The following DOK5 variants were observed in gnomAD, a reference collection of about 807,000 sequenced individuals.
DOK5 encodes the protein downstream of tyrosine kinase 5.
Under a neutral mutation model 43.3 loss-of-function variants are expected in DOK5, and 27 were observed. The observed-to-expected ratio is 0.62, with a 90% confidence interval of 0.46 to 0.86. The LOEUF is 0.86. Ranked by LOEUF, DOK5 falls within the 40% of genes least tolerant of loss-of-function variation. The pLI, the probability that DOK5 is intolerant of heterozygous loss-of-function variation, is 0.00. For missense variants in DOK5, 373 were observed against 392.9 expected (o/e 0.95, Z 0.43); for synonymous variants, 146 against 140.1 (o/e 1.04, Z -0.30).
chr20:54,618,443 A>C (rs1986882082), intron 6 of DOK5, among the ~76,000 whole-genome samples: 1 of 151,882 alleles, frequency 6.6e-6, no homozygotes, highest in Non-Finnish European at 1.5e-5. Flanking sequence ...TCCCGGGTTC[A>C]AGCGATTCTT....
chr20:54,606,427 T>G (rs1016566615), intron 5 of DOK5, among the ~76,000 whole-genome samples: 3 of 152,204 alleles, frequency 2.0e-5, no homozygotes, highest in Admixed American at 2.0e-4. Flanking sequence ...CAACAGAAGT[T>G]AAAGCAGGTG....
At chr20:54,568,194 C>T (rs1424384704) in intron 2 of DOK5, among the ~76,000 whole-genome samples, 1 of 152,190 alleles carries the variant, frequency 6.6e-6, no homozygotes, top group Non-Finnish European at 1.5e-5. Context: ...ACACAATACA[C>T]ATAATGACAT....
chr20:54,536,503 TAAG>T, intron 1 of DOK5, among the ~76,000 whole-genome samples: 1 of 152,232 alleles, frequency 6.6e-6, no homozygotes, highest in East Asian at 1.9e-4. Context: ...AAATCAAACC[TAAG>T]AAGACTCTGA....
intron 5 of DOK5, among the ~76,000 whole-genome samples, chr20:54,598,496 G>C (rs1235722064): frequency 6.6e-6 from 1 of 152,160 alleles, no homozygotes; most frequent in Admixed American, 6.5e-5. Flanking sequence ...AAGGGTGGCA[G>C]GTGTCCAGTC....
At chr20:54,615,963 A>G (rs1600739120) in intron 6 of DOK5, among the ~76,000 whole-genome samples, 1 of 152,034 alleles carries the variant, frequency 6.6e-6, no homozygotes, top group East Asian at 1.9e-4. Flanking sequence ...AGCCCTGTTG[A>G]TGCCTTGACC....
chr20:54,500,828 T>G (rs1316662824), intron 1 of DOK5, among the ~76,000 whole-genome samples: 1 of 152,154 alleles, frequency 6.6e-6, no homozygotes, highest in Admixed American at 6.5e-5. Flanking sequence ...CCCAAAGTGC[T>G]GGGATTACAG....
intron 2 of DOK5, among the ~76,000 whole-genome samples, chr20:54,560,747 A>G (rs1984874809): frequency 1.3e-5 from 2 of 152,078 alleles, no homozygotes; most frequent in Admixed American, 1.3e-4. Flanking sequence ...CAGCCTCCCA[A>G]GTAGCTGGGA....
intron 5 of DOK5, among the ~76,000 whole-genome samples, chr20:54,606,306 C>T (rs1986466051): frequency 6.6e-6 from 1 of 152,040 alleles, no homozygotes; most frequent in South Asian, 2.1e-4. Flanking sequence ...GTTTCCAATC[C>T]ACTGGTTTCC....
intron 5 of DOK5, 74 bp downstream of exon 5, chr20:54,591,879 A>G (rs545701001): frequency 2.1e-5 from 29 of 1,363,046 alleles, no homozygotes; most frequent in Non-Finnish European, 2.9e-5. Flanking sequence ...TGCTCGCATC[A>G]TATGAGGCGG....
At chr20:54,525,495 A>C (rs1036685735) in intron 1 of DOK5, among the ~76,000 whole-genome samples, 1 of 152,220 alleles carries the variant, frequency 6.6e-6, no homozygotes, top group Non-Finnish European at 1.5e-5. Flanking sequence ...TTTATTTCTG[A>C]ATAGCTGATA....
chr20:54,602,633 A>C (rs1412067440), intron 5 of DOK5, among the ~76,000 whole-genome samples: 1 of 152,178 alleles, frequency 6.6e-6, no homozygotes, highest in Non-Finnish European at 1.5e-5. Context: ...TTCTAGCTCA[A>C]ATCTTTGACA....
intron 6 of DOK5, among the ~76,000 whole-genome samples, chr20:54,610,840 A>G (rs560488100): frequency 1.2e-4 from 18 of 152,212 alleles, no homozygotes; most frequent in Non-Finnish European, 2.5e-4. Context: ...GCTATGTCAG[A>G]AGTTATTTCA....
intron 2 of DOK5, among the ~76,000 whole-genome samples, chr20:54,587,469 A>G (rs978447193): frequency 5.9e-5 from 9 of 152,174 alleles, no homozygotes; most frequent in Non-Finnish European, 1.2e-4. Flanking sequence ...TGGAAAGTGG[A>G]TTCTTTTGTA....
intron 1 of DOK5, among the ~76,000 whole-genome samples, chr20:54,515,093 C>T (rs1348350423): frequency 6.6e-6 from 1 of 151,990 alleles, no homozygotes; most frequent in African/African-American, 2.4e-5. Context: ...TCACTGTAAT[C>T]TCCGCCTCCC....
intron 1 of DOK5, among the ~76,000 whole-genome samples, chr20:54,533,652 G>T (rs1313125017): frequency 6.6e-6 from 1 of 152,024 alleles, no homozygotes; most frequent in Non-Finnish European, 1.5e-5. Flanking sequence ...AAGCTCAAAA[G>T]GGTAAGTTAT....
In DOK5 at chr20:54,588,788, G is replaced by T. The variant is rs916108882; in HGVS notation, c.391G>T (p.Val131Phe). ...AGAGCCTGACTTACTGGCCACTGGG[G>T]TTGAGAGAGAACAGAGTGGTATGTA... ...LGEPDLLATGVEREQSERFNV... is the reference protein window; with the variant it reads ...LGEPDLLATGFEREQSERFNV... Residue 131 changes from valine (V) to phenylalanine (F), a missense_variant, in exon 4 of 8, where the codon GTT becomes TTT. Transcript: ENST00000262593. The T allele has an allele frequency of 2.5e-6, 4 of 1,613,826 alleles. No individual in the cohort carries two copies. The highest frequency in any genetic ancestry group is 3.4e-6 in the Non-Finnish European group (4 of 1,179,904).
At chr20:54,530,827 C>T (rs1413015335) in intron 1 of DOK5, among the ~76,000 whole-genome samples, 1 of 152,128 alleles carries the variant, frequency 6.6e-6, no homozygotes, top group Non-Finnish European at 1.5e-5. Flanking sequence ...CTGCAATACC[C>T]TGTACACCCA....
chr20:54,641,428 A>T (rs1241215463), intron 6 of DOK5, among the ~76,000 whole-genome samples: 1 of 152,146 alleles, frequency 6.6e-6, no homozygotes, highest in Non-Finnish European at 1.5e-5. Flanking sequence ...TGAGTGAATT[A>T]TGCCTGAAAC....
At chr20:54,518,082 C>A (rs1270629549) in intron 1 of DOK5, among the ~76,000 whole-genome samples, 1 of 152,178 alleles carries the variant, frequency 6.6e-6, no homozygotes, top group African/African-American at 2.4e-5. Context: ...ATAGCATTCT[C>A]AGTTGCCCCC....
Sources: gnomAD v4.1 joint callset for allele counts (sites outside exome capture counted in the v4.1 genomes callset) on GRCh38, gnomAD v4.1.1 for gene constraint, MANE v1.5 for transcripts, NCBI Gene and HGNC (gene_info 2026-07-23, HGNC 2026-07-21) for gene names.